Variants in NPAS3 observed in about 807,000 individuals in gnomAD.
NPAS3 encodes the protein neuronal PAS domain-containing protein 3.
In NPAS3, 14 loss-of-function variants were observed where a neutral mutation model predicts 73.1. The ratio of observed to expected loss-of-function variants is 0.19; its 90% CI spans 0.13 to 0.30. The LOEUF is 0.30. Among genes scored for constraint, NPAS3 ranks in the 10% least tolerant of loss-of-function variants. The probability of loss-of-function intolerance (pLI) is 1.00; values close to 1 mark genes in which losing one functional copy is unlikely to be tolerated. For missense variants in NPAS3, 1,096 were observed against 1,250.0 expected, an observed-to-expected ratio of 0.88 and a Z score of 1.86; for synonymous variants, 620 against 541.5, an observed-to-expected ratio of 1.14 and a Z score of -2.01.
intron 2 of NPAS3, among the ~76,000 whole-genome samples, chr14:33,063,625 C>G (rs767395624): frequency 2.6e-5 from 4 of 152,278 alleles, no homozygotes; most frequent in South Asian, 2.1e-4. Flanking sequence ...TTATCTGTGA[C>G]TCCGTTCCTG....
At chr14:33,232,780 T>C (rs1350118165) in intron 3 of NPAS3, among the ~76,000 whole-genome samples, 1 of 152,210 alleles carries the variant, frequency 6.6e-6, no homozygotes, top group East Asian at 1.9e-4. Flanking sequence ...CAGAGCAAAA[T>C]TGTCGAACAG....
intron 7 of NPAS3, among the ~76,000 whole-genome samples, chr14:33,771,604 G>C (rs2062653723): frequency 6.6e-6 from 1 of 152,118 alleles, no homozygotes; most frequent in Non-Finnish European, 1.5e-5. Context: ...GAGATCAGGA[G>C]ATTGAGACCA....
chr14:33,405,519 C>T (rs1243756002), intron 4 of NPAS3, among the ~76,000 whole-genome samples: 1 of 152,104 alleles, frequency 6.6e-6, no homozygotes, highest in Non-Finnish European at 1.5e-5. Flanking sequence ...CAGTGAGGAA[C>T]TTGACCAGGT....
intron 2 of NPAS3, among the ~76,000 whole-genome samples, chr14:33,062,072 C>T (rs1337058222): frequency 6.6e-6 from 1 of 152,066 alleles, no homozygotes; most frequent in Non-Finnish European, 1.5e-5. Context: ...GAGCAGAGGC[C>T]TCAGATCCCA....
chr14:33,790,056 T>C (rs1041105028), intron 9 of NPAS3, among the ~76,000 whole-genome samples: 4 of 152,206 alleles, frequency 2.6e-5, no homozygotes, highest in Non-Finnish European at 5.9e-5. Flanking sequence ...ACCTAGACCA[T>C]ATGACAAGGA....
At chr14:33,621,033 G>A (rs1230747061) in intron 5 of NPAS3, among the ~76,000 whole-genome samples, 3 of 152,110 alleles carry the variant, frequency 2.0e-5, no homozygotes, top group African/African-American at 4.8e-5. Context: ...ACTAGGTAAC[G>A]AGAAGTATAC....
intron 2 of NPAS3, among the ~76,000 whole-genome samples, chr14:33,068,816 C>T (rs1398731945): frequency 6.6e-6 from 1 of 152,106 alleles, no homozygotes. Context: ...AATGGACAAC[C>T]ACTACAAAGG....
At chr14:33,268,516 C>A (rs1018502865) in intron 3 of NPAS3, among the ~76,000 whole-genome samples, 3 of 152,018 alleles carry the variant, frequency 2.0e-5, no homozygotes, top group African/African-American at 7.2e-5. Context: ...CTATGGATTT[C>A]TTTATTTCTC....
intron 7 of NPAS3, among the ~76,000 whole-genome samples, chr14:33,735,753 C>T (rs560326550): frequency 1.9e-3 from 281 of 147,098 alleles, no homozygotes; most frequent in African/African-American, 6.6e-3. Context: ...GTTTTAATAA[C>T]ATCTTAGCCA....
At chr14:33,101,742 T>A (rs1239303051) in intron 2 of NPAS3, among the ~76,000 whole-genome samples, 1 of 152,152 alleles carries the variant, frequency 6.6e-6, no homozygotes, top group African/African-American at 2.4e-5. Flanking sequence ...TTTATGTTAA[T>A]GCCCCCAGAT....
upstream of NPAS3, among the ~76,000 whole-genome samples, chr14:32,937,244 T>TTGGATTTGTTTCCATC (rs1323025894): frequency 6.6e-6 from 1 of 152,168 alleles, no homozygotes; most frequent in Non-Finnish European, 1.5e-5. Flanking sequence ...TAGTTTCCGC[T>TTGGATTTGTTTCCATC]TGGATTTGTT....
chr14:33,744,862 G>A (rs189039278), intron 7 of NPAS3, among the ~76,000 whole-genome samples: 1 of 152,240 alleles, frequency 6.6e-6, no homozygotes, highest in East Asian at 1.9e-4. Flanking sequence ...GTGATGCAGA[G>A]ATGAAGTGAG....
At chr14:32,970,104 A>T (rs1009347416) in intron 1 of NPAS3, among the ~76,000 whole-genome samples, 1 of 152,206 alleles carries the variant, frequency 6.6e-6, no homozygotes, top group African/African-American at 2.4e-5. Flanking sequence ...TGATTTTATA[A>T]ACCTCTAGAG....
intron 2 of NPAS3, among the ~76,000 whole-genome samples, chr14:33,103,304 C>A (rs2042630754): frequency 6.6e-6 from 1 of 152,162 alleles, no homozygotes; most frequent in South Asian, 2.1e-4. Context: ...TGTCCTCACC[C>A]TCTTGTCTGT....
chr14:33,492,043 G>C (rs1566947227), intron 4 of NPAS3, among the ~76,000 whole-genome samples: 1 of 152,108 alleles, frequency 6.6e-6, no homozygotes, highest in Non-Finnish European at 1.5e-5. Context: ...TTTTCTTGAG[G>C]TTATGTCAAG....
intron 2 of NPAS3, among the ~76,000 whole-genome samples, chr14:33,206,565 A>G (rs1276118558): frequency 6.6e-6 from 1 of 152,148 alleles, no homozygotes; most frequent in Non-Finnish European, 1.5e-5. Context: ...GTAGGCTACT[A>G]CCTTCCATAG....
At chr14:33,583,411 T>C (rs1876587674) in intron 5 of NPAS3, 1 of 152,226 alleles carries the variant, frequency 6.6e-6, no homozygotes, top group Non-Finnish European at 1.5e-5. Context: ...TTGGGGTAAC[T>C]ATAAATCAGT....
At chr14:33,048,816 A>G (rs2040602575) in intron 1 of NPAS3, among the ~76,000 whole-genome samples, 1 of 152,204 alleles carries the variant, frequency 6.6e-6, no homozygotes, top group Non-Finnish European at 1.5e-5. Context: ...GTGTTCTAAC[A>G]CTTACTGGAT....
intron 3 of NPAS3, among the ~76,000 whole-genome samples, chr14:33,341,148 A>G (rs995546675): frequency 6.6e-6 from 1 of 152,234 alleles, no homozygotes; most frequent in African/African-American, 2.4e-5. Context: ...GTGAAAGGGA[A>G]TGTAGTGGCT....
Sources: gnomAD v4.1 joint callset for allele counts (sites outside exome capture counted in the v4.1 genomes callset) on GRCh38, gnomAD v4.1.1 for gene constraint, MANE v1.5 for transcripts, NCBI Gene and HGNC (gene_info 2026-07-23, HGNC 2026-07-21) for gene names.